Variants in MTA1 observed in about 807,000 individuals in gnomAD.
MTA1 encodes metastasis-associated protein MTA1.
MTA1 carries 15 observed loss-of-function variants against 97.0 expected under a neutral mutation model. That is an observed-to-expected ratio of 0.15 (90% CI 0.10 to 0.24). The LOEUF (loss-of-function observed/expected upper bound fraction) is 0.24. Ranked by LOEUF, MTA1 falls within the 10% of genes least tolerant of loss-of-function variation. The pLI, the probability that MTA1 is intolerant of heterozygous loss-of-function variation, is 1.00. For synonymous variants in MTA1, 435 were observed against 417.5 expected (o/e 1.04, Z -0.51); for missense variants, 709 against 1,015.1 (o/e 0.70, Z 4.10).
chr14:105,466,509 C>T lies in MTA1; in HGVS notation c.1708C>T (p.Pro570Ser), dbSNP rs1398300268. The T allele has an allele frequency of 6.3e-7, 1 of 1,595,072 alleles. No individual in the cohort carries two copies. The highest frequency in any genetic ancestry group is 8.5e-7 in the Non-Finnish European group (1 of 1,171,824). The change falls in exon 17 of 21, where the codon CCC becomes TCC. Residue 570 changes from proline (P) to serine (S), a missense_variant. By Grantham distance (74) the Pro-to-Ser change is moderately conservative (BLOSUM62 -1). Coordinates refer to ENST00000331320, the MANE Select transcript of MTA1 (RefSeq NM_004689.4). ...CAGCCTGACGCCCGCCAAGGTGGCC[C>T]CCGTCATCAACAACGGCTCCCCCAC... ...LSSLTPAKVA[P>S]VINNGSPTIL...
In MTA1 at chr14:105,424,164, C is replaced by T. The variant is rs2081938328; in HGVS notation, c.28+4101C>T. ...AGGCAGGATGGGCCACTGAGCTTCT[C>T]CTGCCTCAGCCACTGAGCACTCCTG... On this transcript the variant is annotated intron_variant, in intron 1 of 20. Transcript: ENST00000331320. The surrounding 1 kb of genome is among the most constrained non-coding windows in gnomAD (Gnocchi z 4.0). Among the ~76,000 whole-genome samples, 1 of 150,090 alleles carries T rather than the reference C, an allele frequency of 6.7e-6. No homozygotes were observed. The highest frequency in any genetic ancestry group is 2.1e-4 in the South Asian group (1 of 4,802).
At chr14:105,455,910 C>T (rs1314786069) in intron 7 of MTA1, among the ~76,000 whole-genome samples, 4 of 152,136 alleles carry the variant, frequency 2.6e-5, no homozygotes, top group Non-Finnish European at 4.4e-5. Flanking sequence ...CTGGGGAGGC[C>T]GCTGTGCTGG....
At position 105,463,355 on chromosome 14, in the gene MTA1, G is replaced by A; in HGVS notation, c.1017+97G>A. On this transcript the variant is annotated intron_variant, in intron 11 of 20. Coordinates refer to ENST00000331320, the MANE Select transcript of MTA1 (RefSeq NM_004689.4). The surrounding 1 kb of genome is among the most constrained non-coding windows in gnomAD (Gnocchi z 5.9). ...GTGGGCGTGCACTGCTGCAGCAGGA[G>A]GGGAAGGAAGACTCCTGAGTCCCTG... 2 of 1,516,716 alleles carry A rather than the reference G, an allele frequency of 1.3e-6. No individual in the cohort carries two copies. Among genetic ancestry groups the A allele is most frequent in the South Asian group, 2.3e-5 (2 of 88,436 alleles). The allele number at this position is 1,516,716 out of a possible 1,614,324, so 94.0% of individuals were successfully genotyped here.
In MTA1 at chr14:105,419,980, C is replaced by A. The variant is rs781976181; in HGVS notation, c.-56C>A. 1.8e-4 allele frequency: 176 copies of A among 952,252 alleles called. 2 individuals are homozygous for A. The highest frequency in any genetic ancestry group is 5.2e-4 in the Middle Eastern group (1 of 1,912). 59.0% of individuals were successfully genotyped at this position (952,252 alleles called of 1,614,324 possible). Reference sequence around the variant, plus strand: ...GCCATCGCGCCTCCATTTTCCCGGCCGCCCGCGCCGAGCGCCGCGCCCGCC... The same window carrying A: ...GCCATCGCGCCTCCATTTTCCCGGCAGCCCGCGCCGAGCGCCGCGCCCGCC... On this transcript the variant is annotated 5_prime_UTR_variant, in exon 1 of 21. Coordinates refer to ENST00000331320, the MANE Select transcript of MTA1 (RefSeq NM_004689.4).
In MTA1 at chr14:105,465,110, C is replaced by T. The variant is rs1555432332; in HGVS notation, c.1551C>T (p.Pro517=). The change falls in exon 16 of 21, where the codon CCC becomes CCT. Residue 517 remains proline (P), a synonymous_variant. Transcript: ENST00000331320. ...AIKAECTARL[P]EASQSPLVLK... is the part of the protein sequence containing the mutation. ...ACCCCGCAGGCACGGCGCGGCTGCCCGAAGCCTCCCAGAGCCCGCTGGTGC... is the reference window on the plus strand; with the variant it reads ...ACCCCGCAGGCACGGCGCGGCTGCCTGAAGCCTCCCAGAGCCCGCTGGTGC... 22 of 1,519,478 alleles carry T rather than the reference C, an allele frequency of 1.4e-5. No homozygotes were observed. Among genetic ancestry groups the T allele is most frequent in the South Asian group, 9.6e-5 (8 of 83,052 alleles). 94.1% of individuals were successfully genotyped at this position (1,519,478 alleles called of 1,614,324 possible).
Position 105,466,559 on chromosome 14 carries a change from G to C in MTA1, c.1758G>C (p.Glu586Asp), listed in dbSNP as rs1555432902. Residue 586 changes from glutamate to aspartate, a missense_variant, in exon 17 of 21, where the codon GAG (glutamate) becomes GAC (aspartate). Physicochemically the swap from Glu to Asp is conservative, Grantham distance 45. This residue lies in a region of MTA1 where 388 missense variants were observed against 421.6 expected (regional missense o/e 0.92). Transcript: ENST00000331320. ...SPTILGKRSY[E>D]QHNGVDGNMK... is the part of the protein sequence containing the mutation. ...CCATCCTGGGCAAGCGCAGCTACGA[G>C]CAGCACAACGGGGTGGACGGTGAGT... is the stretch of plus-strand genomic sequence containing the variant. 6.3e-7 allele frequency: 1 copy of C among 1,582,296 alleles called. No individual in the cohort carries two copies. The highest frequency in any genetic ancestry group is 1.8e-5 in the Admixed American group (1 of 56,018).
rs1595406935 is a variant in MTA1, at chr14:105,463,074, C to T, written c.943-110C>T. The T allele has an allele frequency of 1.8e-6, 2 of 1,101,276 alleles. No individual in the cohort carries two copies. Among genetic ancestry groups the T allele is most frequent in the South Asian group, 1.4e-5 (1 of 72,514 alleles). The allele number at this position is 1,101,276 out of a possible 1,614,324, so 68.2% of individuals were successfully genotyped here. A position where few individuals can be genotyped will look rare whatever the true frequency, so the allele number is the denominator to read the frequency against. On this transcript the variant is annotated intron_variant, in intron 10 of 20. Coordinates refer to ENST00000331320, the MANE Select transcript of MTA1 (RefSeq NM_004689.4). The surrounding 1 kb of genome is among the most constrained non-coding windows in gnomAD (Gnocchi z 5.9). ...CCGTGCACCAAGCACACCTCGCCCTCTGGCCTCCCGCCCCCTCTGTGGCCT... is the reference window on the plus strand; with the variant it reads ...CCGTGCACCAAGCACACCTCGCCCTTTGGCCTCCCGCCCCCTCTGTGGCCT...
Position 105,450,065 on chromosome 14 carries a change from A to T in MTA1, c.249A>T (p.Ile83=), listed in dbSNP as rs782656824. 1.9e-6 allele frequency: 3 copies of T among 1,613,364 alleles called. No individual in the cohort carries two copies. Among genetic ancestry groups the T allele is most frequent in the Non-Finnish European group, 2.5e-6 (3 of 1,179,852 alleles). ...GGGCTCCTTGTCCTTCAGGGGAAAT[A>T]GAAGAGGAAATGGAGAACCCGGAAA... ...PGADNGEEGE[I]EEEMENPEMV... The change falls in exon 5 of 21, where the codon ATA becomes ATT. Residue 83 remains isoleucine, a synonymous_variant. Coordinates refer to ENST00000331320, the MANE Select transcript of MTA1 (RefSeq NM_004689.4).
At chr14:105,439,601 T>G (rs1015211233) in intron 2 of MTA1, among the ~76,000 whole-genome samples, 1 of 152,108 alleles carries the variant, frequency 6.6e-6, no homozygotes, top group Non-Finnish European at 1.5e-5. Flanking sequence ...CTCCTCCTGG[T>G]TGGAGACTTT....
chr14:105,421,568 A>G (rs782581380), intron 1 of MTA1, among the ~76,000 whole-genome samples: 8 of 151,878 alleles, frequency 5.3e-5, no homozygotes, highest in Non-Finnish European at 1.0e-4. Flanking sequence ...CCCGACCCCA[A>G]CTCATGCCTT....
chr14:105,460,709 C>T, intron 9 of MTA1, 56 bp from the exon 10 acceptor site: 1 of 1,494,182 alleles, frequency 6.7e-7, no homozygotes, highest in Non-Finnish European at 8.9e-7. Context: ...GGTACCGTGC[C>T]ACAGGTGCAG....
Position 105,450,069 on chromosome 14 carries a change from G to A in MTA1, c.253G>A (p.Glu85Lys). Residue 85 changes from glutamate (E) to lysine (K), a missense_variant, in exon 5 of 21, where the codon GAG (glutamate) becomes AAG (lysine). Coordinates refer to ENST00000331320, the MANE Select transcript of MTA1 (RefSeq NM_004689.4). The part of the protein sequence containing the change: ...ADNGEEGEIE[E>K]EMENPEMVDL... ...TCCTTGTCCTTCAGGGGAAATAGAA[G>A]AGGAAATGGAGAACCCGGAAATGGT... The A allele has an allele frequency of 6.2e-7, 1 of 1,613,570 alleles. No homozygotes were observed. The highest frequency in any genetic ancestry group is 8.5e-7 in the Non-Finnish European group (1 of 1,179,890).
At chr14:105,437,044 C>T (rs8008815) in intron 1 of MTA1, among the ~76,000 whole-genome samples, 34,170 of 152,222 alleles carry the variant, frequency 0.22, 4,183 homozygotes, top group East Asian at 0.49. Context: ...GTGGCTGTGT[C>T]CCCTCTGGGC....
In MTA1 at chr14:105,450,291, G is replaced by C. The variant is rs781869679; in HGVS notation, c.399G>C (p.Glu133Asp). ...RGKCSVTLLNETESLKSYLER... is the reference protein window; with the variant it reads ...RGKCSVTLLNDTESLKSYLER... ...AGTGCAGCGTCACCCTGCTCAACGA[G>C]ACCGAGTCGCTCAAGTCCTACCTGG... Residue 133 changes from glutamate to aspartate, a missense_variant, in exon 6 of 21, where the codon GAG (glutamate) becomes GAC (aspartate). By Grantham distance (45) the Glu-to-Asp change is conservative (BLOSUM62 2). This residue lies in a region of MTA1 where 321 missense variants were observed against 593.5 expected (regional missense o/e 0.54). Coordinates refer to ENST00000331320, the MANE Select transcript of MTA1 (RefSeq NM_004689.4). The C allele has an allele frequency of 6.2e-7, 1 of 1,608,004 alleles. No individual in the cohort carries two copies. Among genetic ancestry groups the C allele is most frequent in the Admixed American group, 1.7e-5 (1 of 59,902 alleles).
intron 7 of MTA1, among the ~76,000 whole-genome samples, chr14:105,455,515 T>C (rs1208279779): frequency 6.6e-6 from 1 of 152,218 alleles, no homozygotes; most frequent in African/African-American, 2.4e-5. Context: ...GCCTCCCTGC[T>C]TGCAGTTGTG....
chr14:105,431,779 C>T (rs1201083005), intron 1 of MTA1, among the ~76,000 whole-genome samples: 1 of 152,112 alleles, frequency 6.6e-6, no homozygotes, highest in African/African-American at 2.4e-5. Context: ...GCATGCACCA[C>T]CACACCTGGC....
rs117193126 is a variant in MTA1 at position 105,449,977 on chromosome 14, G to T, written c.242-81G>T. On this transcript the variant is annotated intron_variant, in intron 4 of 20. Transcript: ENST00000331320. ...AGGACTGGGCCTCCTGCGTGCTGGCGCCAGGTGGGGCTGGTGGGGTGGGCC... is the reference window on the plus strand; with the variant it reads ...AGGACTGGGCCTCCTGCGTGCTGGCTCCAGGTGGGGCTGGTGGGGTGGGCC... 1,885 of 1,590,528 alleles carry T rather than the reference G, an allele frequency of 1.2e-3. 14 individuals carry two copies. The African/African-American group carries it at 0.022, about 18-fold the overall frequency.
Position 105,445,410 on chromosome 14 carries a change from T to C in MTA1, c.97-8T>C. ...CGTTTCTCAGACGCCCCTGCCTTGC[T>C]GTTACAGACGGCCAATGGGAACGTG... On this transcript the variant is annotated splice_region_variant and splice_polypyrimidine_tract_variant and intron_variant, in intron 2 of 20. Transcript: ENST00000331320. The C allele has an allele frequency of 6.2e-7, 1 of 1,613,266 alleles. No homozygotes were observed. Among genetic ancestry groups the C allele is most frequent in the Non-Finnish European group, 8.5e-7 (1 of 1,179,642 alleles).
chr14:105,453,601 G>C (rs946626733), intron 6 of MTA1, among the ~76,000 whole-genome samples: 1 of 152,164 alleles, frequency 6.6e-6, no homozygotes, highest in Non-Finnish European at 1.5e-5. Flanking sequence ...CCTGAGCTCA[G>C]GAGTTTGAGA....
Sources: allele counts gnomAD v4.1 joint callset (sites outside exome capture counted in the v4.1 genomes callset), GRCh38; gene constraint gnomAD v4.1.1; regional missense constraint gnomAD v4.1.1; non-coding constraint Gnocchi (gnomAD v3.1); transcripts MANE v1.5; gene names NCBI Gene and HGNC (gene_info 2026-07-23, HGNC 2026-07-21).